Variants in MYO18B observed in about 807,000 individuals in gnomAD.
The protein encoded by MYO18B is myosin XVIIIB.
Under a neutral mutation model 273.0 loss-of-function variants are expected in MYO18B, and 204 were observed. That is an observed-to-expected ratio of 0.75 (90% confidence interval 0.67 to 0.84). The LOEUF (loss-of-function observed/expected upper bound fraction) is 0.84, where lower values mean the gene tolerates loss of function less well. MYO18B is among the 40% of genes least tolerant of loss of function. The pLI, the probability that MYO18B is intolerant of heterozygous loss-of-function variation, is 0.00. For synonymous variants in MYO18B, 1,330 were observed against 1,305.7 expected (o/e 1.02, Z -0.40); for missense variants, 3,212 against 3,287.6 (o/e 0.98, Z 0.56).
At chr22:25,808,336 C>G (rs2088578635) in intron 12 of MYO18B, among the ~76,000 whole-genome samples, 1 of 152,208 alleles carries the variant, frequency 6.6e-6, no homozygotes, top group African/African-American at 2.4e-5. Flanking sequence ...TAAATTCTCA[C>G]TTTTAATTCT....
chr22:25,783,092 C>T (rs893746818), intron 10 of MYO18B, among the ~76,000 whole-genome samples: 5 of 152,220 alleles, frequency 3.3e-5, no homozygotes, highest in Non-Finnish European at 5.9e-5. Context: ...GACAATACTT[C>T]TTAAAATAGT....
chr22:25,843,629 T>C, intron 17 of MYO18B, 106 bp from the exon 18 acceptor site: 1 of 1,185,902 alleles, frequency 8.4e-7, no homozygotes, highest in Non-Finnish European at 1.2e-6. Context: ...GAGCGTTAGC[T>C]ATCTGGAAAC....
At chr22:25,778,447 T>C (rs866130358) in intron 8 of MYO18B, among the ~76,000 whole-genome samples, 10 of 152,078 alleles carry the variant, frequency 6.6e-5, no homozygotes, top group South Asian at 2.1e-4. Flanking sequence ...TGAAGCCTAA[T>C]GTACCAGGCC....
intron 33 of MYO18B, among the ~76,000 whole-genome samples, chr22:25,920,899 A>C (rs1196872946): frequency 6.6e-6 from 1 of 152,216 alleles, no homozygotes; most frequent in Non-Finnish European, 1.5e-5. Context: ...AGGCTCTTAC[A>C]AGATGAGGTG....
intron 4 of MYO18B, 91 bp downstream of exon 4, chr22:25,769,519 A>C: frequency 2.2e-5 from 22 of 984,780 alleles, no homozygotes; most frequent in Admixed American, 3.2e-5. Flanking sequence ...GGGATGGACA[A>C]GGGGTGGACG....
intron 39 of MYO18B, among the ~76,000 whole-genome samples, chr22:25,966,130 C>T (rs901315392): frequency 1.3e-5 from 2 of 152,312 alleles, no homozygotes; most frequent in East Asian, 3.9e-4. Flanking sequence ...ATAACTGTCC[C>T]CAAAAGCACA....
chr22:26,013,660 C>G (rs1282429810), intron 42 of MYO18B, among the ~76,000 whole-genome samples: 3 of 152,212 alleles, frequency 2.0e-5, no homozygotes, highest in Non-Finnish European at 4.4e-5. Context: ...TCTGGTTGCT[C>G]TAAATCCTTG....
rs772470621 is a variant in MYO18B, at chr22:25,769,192, G to T, written c.1276G>T (p.Val426Leu). The T allele has an allele frequency of 6.2e-7, 1 of 1,610,040 alleles. No individual in the cohort carries two copies. The highest frequency in any genetic ancestry group is 8.5e-7 in the Non-Finnish European group (1 of 1,178,328). Residue 426 changes from valine (V) to leucine (L), a missense_variant, in exon 4 of 44, where the codon GTG becomes TTG. Val to Leu is a conservative substitution (Grantham distance 32, BLOSUM62 1). Transcript: ENST00000335473. ...AGCCCCAAAGGAGGTGAGCACAATG[G>T]TGGAGTCGCCAGCAGCTCCTGGGAA... Reference protein sequence around the residue: ...CEAPKEVSTMVESPAAPGKGG... With the variant: ...CEAPKEVSTMLESPAAPGKGG...
the MYO18B span, among the ~76,000 whole-genome samples, chr22:26,038,922 T>C: frequency 6.6e-6 from 1 of 152,184 alleles, no homozygotes; most frequent in Non-Finnish European, 1.5e-5. Context: ...GCAAAGGGTA[T>C]TGAGAATTTG....
At chr22:25,793,470 C>G (rs776891351) in intron 11 of MYO18B, among the ~76,000 whole-genome samples, 6 of 152,052 alleles carry the variant, frequency 3.9e-5, no homozygotes, top group Admixed American at 2.0e-4. Flanking sequence ...AACTCCTAGA[C>G]ATAAGCGATC....
chr22:25,849,519 T>G (rs2090359999), intron 20 of MYO18B, among the ~76,000 whole-genome samples: 1 of 152,206 alleles, frequency 6.6e-6, no homozygotes, highest in African/African-American at 2.4e-5. Flanking sequence ...TGCATACTCA[T>G]GCATGCTATT....
At chr22:25,951,123 G>A (rs1017883796) in intron 37 of MYO18B, among the ~76,000 whole-genome samples, 20 of 152,182 alleles carry the variant, frequency 1.3e-4, no homozygotes, top group Admixed American at 5.2e-4. Flanking sequence ...ACCAGATTAA[G>A]GGTGGATCTG....
At position 26,003,251 on chromosome 22, in the gene MYO18B, G is replaced by C; in HGVS notation, c.6288-14G>C. On this transcript the variant is annotated splice_polypyrimidine_tract_variant and intron_variant, in intron 40 of 43. Transcript: ENST00000335473. Reference sequence around the variant, plus strand: ...GCACGAGGATAACACACTCTTTCTTGTGCCTCTTACTAGTGTCCAGACGGC... The same window carrying C: ...GCACGAGGATAACACACTCTTTCTTCTGCCTCTTACTAGTGTCCAGACGGC... 6.2e-7 allele frequency: 1 copy of C among 1,605,668 alleles called. No homozygotes were observed. Among genetic ancestry groups the C allele is most frequent in the Non-Finnish European group, 8.5e-7 (1 of 1,176,070 alleles).
chr22:26,025,503 G>T (rs73154186), intron 42 of MYO18B, among the ~76,000 whole-genome samples: 1 of 152,168 alleles, frequency 6.6e-6, no homozygotes, highest in East Asian at 1.9e-4. Context: ...TTGGAAACCC[G>T]CGTGTGCATC....
chr22:25,877,426 A>G (rs2091230303), intron 24 of MYO18B: 1 of 152,260 alleles, frequency 6.6e-6, no homozygotes, highest in African/African-American at 2.4e-5. Context: ...TAACAAATCC[A>G]TCACTTCATT....
chr22:25,788,221 T>C (rs2087484797), intron 11 of MYO18B, among the ~76,000 whole-genome samples: 1 of 152,166 alleles, frequency 6.6e-6, no homozygotes, highest in Admixed American at 6.6e-5. Context: ...AGAAGAAAAA[T>C]AAAGTCTGAA....
At chr22:25,880,313 C>T (rs1438202001) in intron 25 of MYO18B, among the ~76,000 whole-genome samples, 1 of 151,986 alleles carries the variant, frequency 6.6e-6, no homozygotes, top group Non-Finnish European at 1.5e-5. Flanking sequence ...ATTTGTAGGC[C>T]AAGATTAGGG....
chr22:26,051,439 G>A, the MYO18B span, among the ~76,000 whole-genome samples: 1 of 152,098 alleles, frequency 6.6e-6, no homozygotes, highest in Non-Finnish European at 1.5e-5. Flanking sequence ...TAACCAGGAT[G>A]GTCTCGATCT....
chr22:25,986,603 A>G (rs960924362), intron 39 of MYO18B, among the ~76,000 whole-genome samples: 5 of 152,224 alleles, frequency 3.3e-5, no homozygotes, highest in Admixed American at 1.3e-4. Context: ...ACACGTATTT[A>G]TTATGTTCAA....
Sources: gnomAD v4.1 joint callset for allele counts (sites outside exome capture counted in the v4.1 genomes callset) on GRCh38, gnomAD v4.1.1 for gene constraint, MANE v1.5 for transcripts, NCBI Gene and HGNC (gene_info 2026-07-23, HGNC 2026-07-21) for gene names.